The following PC variants were observed in gnomAD, a reference collection of about 807,000 sequenced individuals.
The protein encoded by PC is pyruvate carboxylase, mitochondrial.
In PC, 46 loss-of-function variants were observed where a neutral mutation model predicts 107.8. The ratio of observed to expected loss-of-function variants is 0.43; its 90% CI spans 0.34 to 0.55. PC has a LOEUF of 0.55. Among genes scored for constraint, PC ranks in the 20% least tolerant of loss-of-function variants. The pLI is 0.04. For missense variants in PC, 1,241 were observed against 1,643.1 expected, an observed-to-expected ratio of 0.76 and a Z score of 4.23; for synonymous variants, 662 against 684.7, an observed-to-expected ratio of 0.97 and a Z score of 0.52.
intron 12 of PC, among the ~76,000 whole-genome samples, chr11:66,861,557 C>T (rs1946258351): frequency 6.6e-6 from 1 of 151,262 alleles, no homozygotes; most frequent in African/African-American, 2.4e-5. Context: ...GCTTCGAGAG[C>T]CTGGTTTAGA....
At position 66,852,354 on chromosome 11, in the gene PC, C is replaced by T. The variant is rs570764592; in HGVS notation, c.1825+85G>A. Reference sequence around the variant, plus strand: ...GTGTTCTTCGTGTCAGCGTCTCTAGCTTGTCCCCAGTGGCCTAAGCCTGTG... The same window carrying T: ...GTGTTCTTCGTGTCAGCGTCTCTAGTTTGTCCCCAGTGGCCTAAGCCTGTG... On this transcript the variant is annotated intron_variant, in intron 15 of 22. Coordinates refer to ENST00000393960, the MANE Select transcript of PC (RefSeq NM_001040716.2). This position sits in a 1 kb window ranked among gnomAD's most constrained non-coding sequence, Gnocchi z 4.7. The T allele has an allele frequency of 1.0e-4, 116 of 1,114,704 alleles. No individual in the cohort carries two copies. The highest frequency in any genetic ancestry group is 1.5e-4 in the Non-Finnish European group (108 of 729,046). The allele number at this position is 1,114,704 out of a possible 1,614,324, so 69.1% of individuals were successfully genotyped here.
intron 3 of PC, among the ~76,000 whole-genome samples, chr11:66,886,408 T>A (rs1353214171): frequency 6.6e-6 from 1 of 152,114 alleles, no homozygotes; most frequent in Admixed American, 6.5e-5. Context: ...TATGTCGGGA[T>A]GCTATGGAAA....
intron 3 of PC, among the ~76,000 whole-genome samples, chr11:66,874,537 T>G (rs1426324860): frequency 6.6e-6 from 1 of 150,838 alleles, no homozygotes; most frequent in African/African-American, 2.4e-5. Context: ...AAAGGGGAAA[T>G]AAAGACAGAA....
Position 66,866,301 on chromosome 11 carries a change from T to C in PC, c.1071A>G (p.Leu357=), listed in dbSNP as rs545296402. The change falls in exon 11 of 23, where the codon CTA becomes CTG. Residue 357 remains leucine, a synonymous_variant. Coordinates refer to ENST00000393960, the MANE Select transcript of PC (RefSeq NM_001040716.2). This position sits in a 1 kb window ranked among gnomAD's most constrained non-coding sequence, Gnocchi z 5.4. ...TCTCCTGCCGCAGGCCCAGGTCGGG[T>C]AGGCTCCTGCCCTCAGCCACGTGGA... The part of the protein sequence containing the change: ...AQIHVAEGRS[L]PDLGLRQENI... 2 of 1,611,110 alleles carry C rather than the reference T, an allele frequency of 1.2e-6. No homozygotes were observed. Among genetic ancestry groups the C allele is most frequent in the South Asian group, 1.1e-5 (1 of 90,986 alleles).
At chr11:66,955,348 TG>T (rs1326413300) in intron 1 of PC, among the ~76,000 whole-genome samples, 3 of 152,024 alleles carry the variant, frequency 2.0e-5, no homozygotes, top group Non-Finnish European at 4.4e-5. Context: ...CCTGGGGCAC[TG>T]GAAGTGAGAC....
chr11:66,857,062 C>CCGCCGGCGCGCACCCGCTCGCCTGT lies in PC; in HGVS notation c.1369-3704_1369-3680dup, dbSNP rs1945894958. On this transcript the variant is annotated intron_variant, in intron 12 of 22. Transcript: ENST00000393960. The surrounding 1 kb of genome is among the most constrained non-coding windows in gnomAD (Gnocchi z 7.1). ...ACGTGCGTGTCCGCGGCGCGCGCGC[C>CCGCCGGCGCGCACCCGCTCGCCTGT]CGCCGGCGCGCACCCGCTCGCCTGT... 2 of 146,850 alleles carry CCGCCGGCGCGCACCCGCTCGCCTGT rather than the reference C, an allele frequency of 1.4e-5. No individual in the cohort carries two copies. Among genetic ancestry groups the CCGCCGGCGCGCACCCGCTCGCCTGT allele is most frequent in the Non-Finnish European group, 3.0e-5 (2 of 65,948 alleles). 9.1% of individuals were successfully genotyped at this position (146,850 alleles called of 1,614,324 possible). A position where few individuals can be genotyped will look rare whatever the true frequency, so the allele number is the denominator to read the frequency against.
At chr11:66,888,705 C>G (rs1346236125) in intron 3 of PC, among the ~76,000 whole-genome samples, 1 of 152,186 alleles carries the variant, frequency 6.6e-6, no homozygotes, top group Admixed American at 6.5e-5. Flanking sequence ...AACATCAACT[C>G]CAGGAAAATG....
chr11:66,899,559 G>A (rs1038033380), intron 3 of PC, among the ~76,000 whole-genome samples: 1 of 151,732 alleles, frequency 6.6e-6, no homozygotes, highest in Non-Finnish European at 1.5e-5. Flanking sequence ...CAGAGACAGG[G>A]TCTTATGACA....
chr11:66,857,960 G>A lies in PC; in HGVS notation c.1369-4577C>T, dbSNP rs1945969682. 1 of 1,612,516 alleles carries A rather than the reference G, an allele frequency of 6.2e-7. No individual in the cohort carries two copies. The highest frequency in any genetic ancestry group is 8.5e-7 in the Non-Finnish European group (1 of 1,179,928). ...GGCCCCCTGACTTCCGCAACATGAC[G>A]GGACTGGTGGACCTGACACTGTCTC... On this transcript the variant is annotated intron_variant, in intron 12 of 22. Coordinates refer to ENST00000393960, the MANE Select transcript of PC (RefSeq NM_001040716.2). The surrounding 1 kb of genome is among the most constrained non-coding windows in gnomAD (Gnocchi z 7.1).
At chr11:66,853,575 G>A (rs1262703541) in intron 12 of PC, among the ~76,000 whole-genome samples, 192 bp from the exon 13 acceptor site, 1 of 152,150 alleles carries the variant, frequency 6.6e-6, no homozygotes, top group Non-Finnish European at 1.5e-5. Context: ...AAGCTGTCAC[G>A]GGCTGGGCCT....
chr11:66,923,884 CAAAAAAA>C (rs71045969), intron 3 of PC, among the ~76,000 whole-genome samples: 1 of 111,020 alleles, frequency 9.0e-6, no homozygotes, highest in Non-Finnish European at 1.8e-5. Flanking sequence ...GACCTCAAGG[CAAAAAAA>C]AAAAAAAAAA....
chr11:66,872,054 G>A lies in PC; in HGVS notation c.106C>T (p.Pro36Ser). 1 of 1,563,174 alleles carries A rather than the reference G, an allele frequency of 6.4e-7. No individual in the cohort carries two copies. Among genetic ancestry groups the A allele is most frequent in the Non-Finnish European group, 8.7e-7 (1 of 1,153,630 alleles). Residue 36 changes from proline (P) to serine (S), a missense_variant, in exon 4 of 23, where the codon CCC becomes TCC. Pro to Ser is a moderately conservative substitution (Grantham distance 74). Coordinates refer to ENST00000393960, the MANE Select transcript of PC (RefSeq NM_001040716.2). Reference protein sequence around the residue: ...SPNVRRLEYKPIKKVMVANRG... With the variant: ...SPNVRRLEYKSIKKVMVANRG... The stretch of plus-strand genomic sequence containing the variant: ...TTGGCCACCATGACTTTCTTGATGG[G>A]CTTATACTCCAGGCGCCGGACATTT...
chr11:66,919,124 T>C (rs1948532705), intron 3 of PC, among the ~76,000 whole-genome samples: 1 of 152,094 alleles, frequency 6.6e-6, no homozygotes, highest in African/African-American at 2.4e-5. Flanking sequence ...ATTTTCAAAT[T>C]CTCTCTTCAA....
intron 3 of PC, among the ~76,000 whole-genome samples, chr11:66,927,488 G>A (rs932506231): frequency 3.3e-5 from 5 of 151,850 alleles, no homozygotes; most frequent in African/African-American, 9.7e-5. Flanking sequence ...TTGGGAGGCT[G>A]AGGTGGGTGG....
At position 66,866,038 on chromosome 11, in the gene PC, G is replaced by T. The variant is rs752709775; in HGVS notation, c.1185+149C>A. 105 of 880,450 alleles carry T rather than the reference G, an allele frequency of 1.2e-4. No individual in the cohort carries two copies. The highest frequency in any genetic ancestry group is 7.1e-4 in the Middle Eastern group (2 of 2,814). 54.5% of individuals were successfully genotyped at this position (880,450 alleles called of 1,614,324 possible). ...GCCGCCCCTCCTCTGGGCACTGCCT[G>T]CCTCCGTGTACTCTATGTCCACTTC... On this transcript the variant is annotated intron_variant, in intron 11 of 22. Coordinates refer to ENST00000393960, the MANE Select transcript of PC (RefSeq NM_001040716.2). This position sits in a 1 kb window ranked among gnomAD's most constrained non-coding sequence, Gnocchi z 5.4.
At chr11:66,875,635 C>G (rs1207725742) in intron 3 of PC, among the ~76,000 whole-genome samples, 1 of 151,968 alleles carries the variant, frequency 6.6e-6, no homozygotes, top group Non-Finnish European at 1.5e-5. Context: ...GAGCGGCTCT[C>G]AGGAGGATGG....
chr11:66,932,018 C>CA (rs756391349), intron 3 of PC, among the ~76,000 whole-genome samples: 2,496 of 58,752 alleles, frequency 0.042, 58 homozygotes, highest in African/African-American at 0.085. Context: ...GACTCTGTCT[C>CA]AAAAAAAAAA....
At chr11:66,958,066 C>A (rs1949613995) in intron 1 of PC, 1 of 150,186 alleles carries the variant, frequency 6.7e-6, no homozygotes, top group Non-Finnish European at 1.5e-5. Flanking sequence ...CGCTCGGGGG[C>A]TGCAGCCGGG....
chr11:66,941,105 C>T (rs1318224130), intron 3 of PC, among the ~76,000 whole-genome samples: 1 of 141,852 alleles, frequency 7.0e-6, no homozygotes. Context: ...AAAAAAGGTG[C>T]TCAACATCAC....
Sources: gnomAD v4.1 joint callset for allele counts (sites outside exome capture counted in the v4.1 genomes callset) on GRCh38, gnomAD v4.1.1 for gene constraint, Gnocchi (gnomAD v3.1) non-coding constraint, MANE v1.5 for transcripts, NCBI Gene and HGNC (gene_info 2026-07-23, HGNC 2026-07-21) for gene names.